Variants in RBFOX1 observed in about 807,000 individuals in gnomAD.
The protein encoded by RBFOX1 is RNA binding fox-1 homolog 1.
RBFOX1 carries 8 observed loss-of-function variants against 57.7 expected under a neutral mutation model. That is an observed-to-expected ratio of 0.14 (90% CI 0.08 to 0.25). RBFOX1 has a LOEUF of 0.25. Ranked by LOEUF, RBFOX1 falls within the 10% of genes least tolerant of loss-of-function variation. RBFOX1 has a pLI of 1.00. For missense variants in RBFOX1, 611 were observed against 548.5 expected (o/e 1.11, Z -1.14); for synonymous variants, 326 against 222.4 (o/e 1.47, Z -4.15).
At position 7,382,095 on chromosome 16, in the gene RBFOX1, T is replaced by C. The variant is rs180680080; in HGVS notation, c.28-136052T>C. Reference sequence around the variant, plus strand: ...TTCTGGATTACTGCCTAAAATAAAATTCAACCTATTCTGAGAAAACAATAT... The same window carrying C: ...TTCTGGATTACTGCCTAAAATAAAACTCAACCTATTCTGAGAAAACAATAT... On this transcript the variant is annotated intron_variant, in intron 4 of 15. Coordinates refer to ENST00000550418, the MANE Select transcript of RBFOX1 (RefSeq NM_018723.4). Among the ~76,000 whole-genome samples the C allele has an allele frequency of 6.4e-4, 97 of 152,308 alleles. 1 individual carries two copies. The highest frequency in any genetic ancestry group is 1.2e-3 in the Non-Finnish European group (79 of 68,028).
At chr16:5,289,122 C>T in intron 1 of RBFOX1, 1 of 195,558 alleles carries the variant, frequency 5.1e-6, no homozygotes, top group Middle Eastern at 7.0e-4. Context: ...AAGACTCTGT[C>T]TCAAAAAACA....
Position 5,938,341 on chromosome 16 carries a change from C to T in RBFOX1, c.351+71006C>T, listed in dbSNP as rs1322305401. 5.3e-5 allele frequency among the ~76,000 whole-genome samples: 8 copies of T among 152,282 alleles called. No homozygotes were observed. In the East Asian group the frequency reaches 1.5e-3, roughly 29 times the overall value. On this transcript the variant is annotated intron_variant, in intron 4 of 19. Coordinates refer to the RBFOX1 transcript ENST00000641259. ...CTCCAGAGTGTCTCACTGATCGTTG[C>T]TGATGGAATTTCAATTTTGGCCCTA...
At chr16:5,779,344 C>T (rs1233077652) in intron 3 of RBFOX1, among the ~76,000 whole-genome samples, 4 of 152,154 alleles carry the variant, frequency 2.6e-5, no homozygotes, top group Non-Finnish European at 5.9e-5. Flanking sequence ...TCTCTGCTCC[C>T]TCCTGCATTT....
At chr16:5,973,315 G>C (rs908838872) in intron 4 of RBFOX1, among the ~76,000 whole-genome samples, 1 of 152,144 alleles carries the variant, frequency 6.6e-6, no homozygotes, top group South Asian at 2.1e-4. Context: ...GGAGCAATTA[G>C]ATCTATATCA....
chr16:7,288,098 T>C (rs2095686409), intron 4 of RBFOX1, among the ~76,000 whole-genome samples: 1 of 152,150 alleles, frequency 6.6e-6, no homozygotes, highest in African/African-American at 2.4e-5. Context: ...TCTGAGATTT[T>C]TCTACCTTCA....
At chr16:7,578,072 C>T (rs1871867632) in intron 5 of RBFOX1, among the ~76,000 whole-genome samples, 1 of 152,168 alleles carries the variant, frequency 6.6e-6, no homozygotes, top group South Asian at 2.1e-4. Context: ...CAAATGAAAA[C>T]CTTTCCTTCG....
At chr16:7,172,200 C>A (rs1177294833) in intron 4 of RBFOX1, among the ~76,000 whole-genome samples, 1 of 152,090 alleles carries the variant, frequency 6.6e-6, no homozygotes, top group African/African-American at 2.4e-5. Flanking sequence ...CCAATAATTC[C>A]ATATTTTCTT....
intron 4 of RBFOX1, among the ~76,000 whole-genome samples, chr16:7,422,174 G>A (rs192400333): frequency 1.8e-4 from 28 of 152,222 alleles, no homozygotes; most frequent in African/African-American, 5.5e-4. Flanking sequence ...GTGTGTGTGC[G>A]TGTGCTTGTG....
intron 2 of RBFOX1, among the ~76,000 whole-genome samples, chr16:6,397,947 A>C (rs2092907348): frequency 6.6e-6 from 1 of 152,214 alleles, no homozygotes; most frequent in Non-Finnish European, 1.5e-5. Flanking sequence ...ATGAGACTGA[A>C]AAAGGGGAAT....
At chr16:6,315,882 A>G (rs1007693011) in intron 1 of RBFOX1, among the ~76,000 whole-genome samples, 2 of 152,188 alleles carry the variant, frequency 1.3e-5, no homozygotes, top group African/African-American at 2.4e-5. Flanking sequence ...ACACACATAT[A>G]TATATCCACA....
intron 3 of RBFOX1, among the ~76,000 whole-genome samples, chr16:6,711,180 A>G (rs1188631844): frequency 1.3e-5 from 2 of 152,152 alleles, no homozygotes; most frequent in Admixed American, 1.3e-4. Flanking sequence ...GACTGCCACC[A>G]TGGGGACCAT....
chr16:5,701,784 G>C (rs924492316), intron 3 of RBFOX1, among the ~76,000 whole-genome samples: 4 of 152,110 alleles, frequency 2.6e-5, no homozygotes, highest in Admixed American at 1.3e-4. Context: ...TTTTGTCCGT[G>C]GCATCCTTGA....
At chr16:5,830,795 G>A (rs73516199) in intron 3 of RBFOX1, among the ~76,000 whole-genome samples, 2,215 of 152,164 alleles carry the variant, frequency 0.015, 53 homozygotes, top group African/African-American at 0.049. Flanking sequence ...GATACTGACC[G>A]TCTTTTATAA....
intron 3 of RBFOX1, among the ~76,000 whole-genome samples, chr16:6,930,451 C>T (rs936485035): frequency 6.6e-6 from 1 of 152,086 alleles, no homozygotes; most frequent in African/African-American, 2.4e-5. Context: ...ACTCTGTCAC[C>T]CAGGCTGGAG....
intron 1 of RBFOX1, among the ~76,000 whole-genome samples, chr16:5,435,232 G>A (rs139544084): frequency 2.6e-5 from 4 of 152,142 alleles, no homozygotes; most frequent in African/African-American, 7.2e-5. Context: ...CTCCATATGC[G>A]TCTATGAAGA....
In RBFOX1 at chr16:6,986,343, C is replaced by T. The variant is rs544322065; in HGVS notation, c.-15-65714C>T. Among the ~76,000 whole-genome samples, 321 of 152,142 alleles carry T rather than the reference C, an allele frequency of 2.1e-3. 2 individuals are homozygous for T. Among genetic ancestry groups the T allele is most frequent in the African/African-American group, 7.3e-3 (304 of 41,522 alleles). On this transcript the variant is annotated intron_variant, in intron 3 of 15. Coordinates refer to ENST00000550418, the MANE Select transcript of RBFOX1 (RefSeq NM_018723.4). Reference sequence around the variant, plus strand: ...CCTCCCGAGTAGCTGGGATTGCAGGCGTCTGCCACCATGTCTGGCTAATTT... The same window carrying T: ...CCTCCCGAGTAGCTGGGATTGCAGGTGTCTGCCACCATGTCTGGCTAATTT...
chr16:6,910,269 C>T (rs1215859354), intron 3 of RBFOX1, among the ~76,000 whole-genome samples: 1 of 152,118 alleles, frequency 6.6e-6, no homozygotes, highest in Non-Finnish European at 1.5e-5. Context: ...TTTCTCCATA[C>T]TTCCAGAATC....
At chr16:7,520,725 C>T (rs2077348827) in intron 5 of RBFOX1, among the ~76,000 whole-genome samples, 1 of 152,180 alleles carries the variant, frequency 6.6e-6, no homozygotes, top group South Asian at 2.1e-4. Flanking sequence ...TTTGCGCTGA[C>T]TACCAGGTAG....
At chr16:7,601,925 C>A (rs1280658953) in intron 9 of RBFOX1, among the ~76,000 whole-genome samples, 2 of 152,210 alleles carry the variant, frequency 1.3e-5, no homozygotes, top group Non-Finnish European at 2.9e-5. Flanking sequence ...GTACCCAGTG[C>A]GAACCTCACT....
Sources: gnomAD v4.1 joint callset for allele counts (sites outside exome capture counted in the v4.1 genomes callset) on GRCh38, gnomAD v4.1.1 for gene constraint, MANE v1.5 for transcripts, NCBI Gene and HGNC (gene_info 2026-07-23, HGNC 2026-07-21) for gene names.